Variants in TRPM1 observed in about 807,000 individuals in gnomAD.
The protein encoded by TRPM1 is transient receptor potential cation channel subfamily M member 1, also known as TRPM1-203 APA Isoform, Intron 10.
TRPM1 carries 113 observed loss-of-function variants against 149.4 expected under a neutral mutation model. The ratio of observed to expected loss-of-function variants is 0.76; its 90% CI spans 0.65 to 0.88. TRPM1 has a LOEUF of 0.88. Among genes scored for constraint, TRPM1 ranks in the 40% least tolerant of loss-of-function variants. The probability of loss-of-function intolerance (pLI) is 0.00; values close to 1 mark genes in which losing one functional copy is unlikely to be tolerated. For missense variants in TRPM1, 1,976 were observed against 2,038.7 expected (o/e 0.97, Z 0.59); for synonymous variants, 741 against 759.5 (o/e 0.98, Z 0.40).
intron 1 of TRPM1, among the ~76,000 whole-genome samples, chr15:31,089,331 T>C (rs2035149570): frequency 6.6e-6 from 1 of 152,194 alleles, no homozygotes; most frequent in Non-Finnish European, 1.5e-5. Flanking sequence ...GTTGTTAACT[T>C]TTCCCACTTG....
At chr15:31,118,965 C>A (rs1025294096) in intron 1 of TRPM1, among the ~76,000 whole-genome samples, 1 of 152,080 alleles carries the variant, frequency 6.6e-6, no homozygotes, top group Non-Finnish European at 1.5e-5. Flanking sequence ...ACTGGCCAGG[C>A]GCAGTGGTTC....
chr15:31,033,030 T>A, intron 21 of TRPM1, 90 bp from the exon 22 acceptor site: 1 of 1,569,352 alleles, frequency 6.4e-7, no homozygotes, highest in Non-Finnish European at 8.7e-7. Context: ...GATGGAACAT[T>A]CCAGGTCATC....
intron 1 of TRPM1, among the ~76,000 whole-genome samples, chr15:31,087,866 T>C (rs2035045887): frequency 6.6e-6 from 1 of 152,124 alleles, no homozygotes; most frequent in South Asian, 2.1e-4. Flanking sequence ...GAGGGAGGAA[T>C]GGGTAGTTTT....
intron 27 of TRPM1, among the ~76,000 whole-genome samples, chr15:31,022,617 G>A (rs1444782362): frequency 6.6e-6 from 1 of 152,210 alleles, no homozygotes; most frequent in African/African-American, 2.4e-5. Context: ...TCTTGAGTCT[G>A]CTCCTACTTC....
At chr15:31,113,095 G>A (rs1032350250) in intron 1 of TRPM1, among the ~76,000 whole-genome samples, 6 of 152,136 alleles carry the variant, frequency 3.9e-5, no homozygotes, top group Non-Finnish European at 5.9e-5. Flanking sequence ...CCCTGTCCAG[G>A]GCTGCTGTCT....
intron 3 of TRPM1, among the ~76,000 whole-genome samples, chr15:31,074,320 T>G (rs567679738): frequency 6.6e-6 from 1 of 152,282 alleles, no homozygotes; most frequent in Admixed American, 6.5e-5. Flanking sequence ...AAAAGCCATG[T>G]GGGCCTGGGC....
At chr15:31,015,549 A>G (rs1248363740) in intron 27 of TRPM1, among the ~76,000 whole-genome samples, 1 of 152,222 alleles carries the variant, frequency 6.6e-6, no homozygotes, top group Non-Finnish European at 1.5e-5. Context: ...CCAAAAAGAT[A>G]GCACAGAAAC....
chr15:31,098,583 G>A, intron 1 of TRPM1, among the ~76,000 whole-genome samples: 1 of 152,206 alleles, frequency 6.6e-6, no homozygotes, highest in East Asian at 1.9e-4. Flanking sequence ...GCTTTTTAAT[G>A]ATTAACAAAC....
chr15:31,057,860 T>G (rs531831603), intron 11 of TRPM1, among the ~76,000 whole-genome samples: 1 of 152,294 alleles, frequency 6.6e-6, no homozygotes, highest in African/African-American at 2.4e-5. Flanking sequence ...AGAGTTCTTA[T>G]GAGAATTGAT....
At chr15:31,037,073 C>T (rs921217794) in intron 20 of TRPM1, among the ~76,000 whole-genome samples, 1 of 152,204 alleles carries the variant, frequency 6.6e-6, no homozygotes, top group African/African-American at 2.4e-5. Context: ...CCTGGCCACC[C>T]CCACTGGGAC....
intron 4 of TRPM1, chr15:31,069,689 G>C (rs2034477740): frequency 7.0e-7 from 1 of 1,418,518 alleles, no homozygotes; most frequent in African/African-American, 1.4e-5. Flanking sequence ...CATCTAAGGG[G>C]GCTGCAGGTC....
chr15:31,082,513 G>A (rs1342365956), intron 1 of TRPM1, among the ~76,000 whole-genome samples: 1 of 152,090 alleles, frequency 6.6e-6, no homozygotes, highest in Admixed American at 6.5e-5. Flanking sequence ...TATCTGGGAG[G>A]TACTAGATTT....
At chr15:31,004,763 A>C (rs2031923776) in intron 27 of TRPM1, among the ~76,000 whole-genome samples, 1 of 152,110 alleles carries the variant, frequency 6.6e-6, no homozygotes, top group African/African-American at 2.4e-5. Flanking sequence ...TTTCACTATT[A>C]ACTTTCCATT....
intron 1 of TRPM1, among the ~76,000 whole-genome samples, chr15:31,115,318 GA>G (rs967039578): frequency 7.2e-5 from 11 of 151,806 alleles, no homozygotes; most frequent in African/African-American, 1.2e-4. Flanking sequence ...TTAAATAAAT[GA>G]AAAAAAACTT....
At chr15:31,085,727 C>G (rs1415967945) in intron 1 of TRPM1, among the ~76,000 whole-genome samples, 1 of 152,148 alleles carries the variant, frequency 6.6e-6, no homozygotes, top group African/African-American at 2.4e-5. Context: ...TAGCCCTGAC[C>G]TGGTTAGTGC....
rs572384585 is a variant in TRPM1, at chr15:31,100,978, A to G, written c.-84+679T>C. Among the ~76,000 whole-genome samples the G allele has an allele frequency of 1.3e-3, 203 of 152,314 alleles. 3 individuals carry two copies. In the South Asian group the frequency reaches 0.018, roughly 14 times the overall value. On this transcript the variant is annotated intron_variant, in intron 1 of 27. Coordinates refer to ENST00000256552, the MANE Select transcript of TRPM1 (RefSeq NM_001252024.2). ...GCTGCATGTTGTTGAACTGCCTTCCAGAAACCAGTTTGCACTGCTCCCAGC... is the reference window on the plus strand; with the variant it reads ...GCTGCATGTTGTTGAACTGCCTTCCGGAAACCAGTTTGCACTGCTCCCAGC...
chr15:31,154,039 A>G (rs564490340), intron 1 of TRPM1, among the ~76,000 whole-genome samples: 4 of 152,252 alleles, frequency 2.6e-5, no homozygotes, highest in African/African-American at 4.8e-5. Context: ...GCTACTGGCC[A>G]TACCCAGAGG....
In TRPM1 at chr15:31,066,212, T is replaced by C; in HGVS notation, c.654A>G (p.Leu218=). 6.2e-7 allele frequency: 1 copy of C among 1,614,078 alleles called. No homozygotes were observed. Among genetic ancestry groups the C allele is most frequent in the Non-Finnish European group, 8.5e-7 (1 of 1,180,010 alleles). Reference sequence around the variant, plus strand: ...AGTTGTTGAGCACAGAGAGCTTACTTAGAGGGTTGGACATGGTCTGGTACA... The same window carrying C: ...AGTTGTTGAGCACAGAGAGCTTACTCAGAGGGTTGGACATGGTCTGGTACA... ...TRVYQTMSNP[L]SKLSVLNNSH... Residue 218 remains leucine (L), a synonymous_variant, in exon 7 of 28, where the codon CTA becomes CTG. Transcript: ENST00000256552.
intron 16 of TRPM1, 57 bp downstream of exon 16, chr15:31,046,147 G>A: frequency 6.4e-7 from 1 of 1,551,882 alleles, no homozygotes; most frequent in Non-Finnish European, 8.9e-7. Context: ...GAACTTAAAA[G>A]GGCTATGTAT....
Sources: allele counts gnomAD v4.1 joint callset (sites outside exome capture counted in the v4.1 genomes callset), GRCh38; gene constraint gnomAD v4.1.1; transcripts MANE v1.5; gene names NCBI Gene and HGNC (gene_info 2026-07-23, HGNC 2026-07-21).